The following GALNT13 variants were observed in gnomAD, a reference collection of about 807,000 sequenced individuals.
GALNT13 encodes the protein UDP-GalNAc:polypeptide N-acetylgalactosaminyltransferase 13.
GALNT13 carries 28 observed loss-of-function variants against 64.2 expected under a neutral mutation model. That is an observed-to-expected ratio of 0.44 (90% CI 0.32 to 0.60). The LOEUF (loss-of-function observed/expected upper bound fraction) is 0.60, where lower values mean the gene tolerates loss of function less well. Among genes scored for constraint, GALNT13 ranks in the 20% least tolerant of loss-of-function variants. The probability of loss-of-function intolerance (pLI) is 0.05; values close to 1 mark genes in which losing one functional copy is unlikely to be tolerated. For missense variants in GALNT13, 577 were observed against 669.8 expected (o/e 0.86, Z 1.53); for synonymous variants, 214 against 224.6 (o/e 0.95, Z 0.42).
chr2:153,693,836 T>C, the GALNT13 span, among the ~76,000 whole-genome samples: 1 of 152,032 alleles, frequency 6.6e-6, no homozygotes, highest in Non-Finnish European at 1.5e-5. Flanking sequence ...AGCAATCGGC[T>C]GGGCGCGGTG....
At chr2:153,432,589 A>G in the GALNT13 span, among the ~76,000 whole-genome samples, 1 of 151,912 alleles carries the variant, frequency 6.6e-6, no homozygotes, top group Non-Finnish European at 1.5e-5. Context: ...AGTTTCACCT[A>G]TTGCTTGGCA....
intron 3 of GALNT13, among the ~76,000 whole-genome samples, chr2:154,127,636 G>T (rs1321240373): frequency 1.3e-5 from 2 of 150,838 alleles, no homozygotes; most frequent in African/African-American, 4.9e-5. Context: ...GAAGAAGTTT[G>T]GGTATGTGTG....
chr2:153,174,076 G>A, the GALNT13 span, among the ~76,000 whole-genome samples: 1 of 152,112 alleles, frequency 6.6e-6, no homozygotes, highest in Non-Finnish European at 1.5e-5. Context: ...CCTGGTGGTG[G>A]CTCCACCTGT....
chr2:153,791,576 A>G, the GALNT13 span, among the ~76,000 whole-genome samples: 1 of 152,160 alleles, frequency 6.6e-6, no homozygotes, highest in African/African-American at 2.4e-5. Flanking sequence ...ATTGCTGAGT[A>G]TATACACAAA....
the GALNT13 span, among the ~76,000 whole-genome samples, chr2:153,435,243 G>A: frequency 1.3e-5 from 2 of 152,190 alleles, no homozygotes; most frequent in African/African-American, 2.4e-5. Flanking sequence ...TTGTAATATA[G>A]TTTGAAGTCA....
intron 10 of GALNT13, among the ~76,000 whole-genome samples, chr2:154,397,550 G>A (rs1699112844): frequency 6.6e-6 from 1 of 152,186 alleles, no homozygotes; most frequent in South Asian, 2.1e-4. Flanking sequence ...ATCTGAAAAT[G>A]TATATGGTTT....
At chr2:154,146,183 C>CAT (rs1683589847) in intron 4 of GALNT13, among the ~76,000 whole-genome samples, 1 of 151,190 alleles carries the variant, frequency 6.6e-6, no homozygotes, top group Non-Finnish European at 1.5e-5. Context: ...CATACACACA[C>CAT]ATATATACAT....
the GALNT13 span, among the ~76,000 whole-genome samples, chr2:153,710,662 TACTGAACGATCATACA>T: frequency 6.6e-6 from 1 of 152,126 alleles, no homozygotes; most frequent in Non-Finnish European, 1.5e-5. Flanking sequence ...TTTTTTTCTC[TACTGAACGATCATACA>T]ACCATCCAAC....
intron 3 of GALNT13, among the ~76,000 whole-genome samples, chr2:154,121,672 T>C (rs1681949750): frequency 1.3e-5 from 2 of 152,108 alleles, no homozygotes; most frequent in Admixed American, 1.3e-4. Flanking sequence ...ATAGTCACAA[T>C]ACTATAGCAC....
At chr2:153,490,975 AAATTATAAAGGAATATCTATT>A in the GALNT13 span, among the ~76,000 whole-genome samples, 47 of 151,932 alleles carry the variant, frequency 3.1e-4, no homozygotes, top group Non-Finnish European at 5.9e-5. Context: ...AAAAAAAAAA[AAATTATAAAGGAATATCTATT>A]AACTCAACCT....
chr2:153,262,236 C>G, the GALNT13 span, among the ~76,000 whole-genome samples: 1 of 152,196 alleles, frequency 6.6e-6, no homozygotes, highest in Admixed American at 6.5e-5. Flanking sequence ...GCCTGGCTAC[C>G]TTTGCTGATT....
the GALNT13 span, among the ~76,000 whole-genome samples, chr2:153,082,357 C>A: frequency 2.0e-5 from 3 of 151,456 alleles, no homozygotes; most frequent in Non-Finnish European, 2.9e-5. Flanking sequence ...CACTCTTATG[C>A]CTTTGCATCT....
At chr2:153,724,820 G>A in the GALNT13 span, among the ~76,000 whole-genome samples, 11 of 142,834 alleles carry the variant, frequency 7.7e-5, no homozygotes, top group Non-Finnish European at 1.6e-4. Flanking sequence ...GTGCTGGAGA[G>A]GATGTGGAGA....
At chr2:154,077,482 T>C (rs961851703) in intron 3 of GALNT13, among the ~76,000 whole-genome samples, 28 of 151,502 alleles carry the variant, frequency 1.8e-4, no homozygotes, top group African/African-American at 5.8e-4. Context: ...ATATCATTTG[T>C]GCCCTTATTT....
At chr2:153,995,146 G>A (rs770626450) in intron 3 of GALNT13, among the ~76,000 whole-genome samples, 70 of 151,856 alleles carry the variant, frequency 4.6e-4, no homozygotes, top group African/African-American at 1.5e-3. Context: ...ATCTAATATA[G>A]TTTAGTTATA....
At chr2:153,572,286 A>T in the GALNT13 span, among the ~76,000 whole-genome samples, 1 of 151,174 alleles carries the variant, frequency 6.6e-6, no homozygotes, top group African/African-American at 2.4e-5. Flanking sequence ...ATCAGTTGCA[A>T]TGTCTCCTTT....
At chr2:154,114,675 T>A (rs2859799) in intron 3 of GALNT13, among the ~76,000 whole-genome samples, 114,875 of 152,060 alleles carry the variant, frequency 0.76, 43,772 homozygotes, top group East Asian at 0.96. Flanking sequence ...AGGGGCCATG[T>A]TTCTCTGTTT....
rs200825929 is a variant in GALNT13, at chr2:153,964,802, G to A, written c.142+20163G>A. Among the ~76,000 whole-genome samples, 26 of 151,650 alleles carry A rather than the reference G, an allele frequency of 1.7e-4. No individual in the cohort carries two copies. In the East Asian group the frequency reaches 2.1e-3, roughly 12 times the overall value. ...AATTCCACCTAGATGTTGCCCTCAC[G>A]GTAAAATGAAATTTACTTTTTAAAT... On this transcript the variant is annotated intron_variant, in intron 3 of 12. Coordinates refer to ENST00000392825, the MANE Select transcript of GALNT13 (RefSeq NM_052917.4).
chr2:154,164,887 G>C (rs1383143890), intron 4 of GALNT13, among the ~76,000 whole-genome samples: 1 of 152,056 alleles, frequency 6.6e-6, no homozygotes, highest in Non-Finnish European at 1.5e-5. Flanking sequence ...TAAGTTTAAG[G>C]AGGACAGCAG....
Sources: gnomAD v4.1 joint callset for allele counts (sites outside exome capture counted in the v4.1 genomes callset) on GRCh38, gnomAD v4.1.1 for gene constraint, MANE v1.5 for transcripts, NCBI Gene and HGNC (gene_info 2026-07-23, HGNC 2026-07-21) for gene names.